PRIMA1: variants seen among roughly 807,000 people sequenced by gnomAD.
PRIMA1 encodes proline-rich membrane anchor 1.
Under a neutral mutation model 17.5 loss-of-function variants are expected in PRIMA1, and 7 were observed. The observed-to-expected ratio is 0.40, with a 90% CI of 0.23 to 0.75. The LOEUF (loss-of-function observed/expected upper bound fraction) is 0.75. Among genes scored for constraint, PRIMA1 ranks in the 30% least tolerant of loss-of-function variants. PRIMA1 has a pLI of 0.37. For synonymous variants in PRIMA1, 97 were observed against 77.9 expected, an observed-to-expected ratio of 1.25 and a Z score of -1.29; for missense variants, 200 against 201.8, an observed-to-expected ratio of 0.99 and a Z score of 0.05.
intron 2 of PRIMA1, among the ~76,000 whole-genome samples, chr14:93,787,203 T>C (rs1233286081): frequency 6.6e-6 from 1 of 152,222 alleles, no homozygotes; most frequent in Non-Finnish European, 1.5e-5. Flanking sequence ...CTCTGATACC[T>C]ATAAGAAACA....
At chr14:93,747,909 T>TG (rs1262790658) in intron 3 of PRIMA1, among the ~76,000 whole-genome samples, 9 of 43,286 alleles carry the variant, frequency 2.1e-4, no homozygotes, top group African/African-American at 5.6e-4. Flanking sequence ...TGTGTAAGAG[T>TG]GGGGGACTGT....
intron 4 of PRIMA1, among the ~76,000 whole-genome samples, chr14:93,732,873 A>G (rs1027454788): frequency 7.2e-5 from 11 of 152,128 alleles, no homozygotes; most frequent in African/African-American, 2.7e-4. Flanking sequence ...CTTGACTCCC[A>G]GTTCTGGGCT....
At chr14:93,731,782 C>A (rs12434848) in intron 4 of PRIMA1, among the ~76,000 whole-genome samples, 25,753 of 152,150 alleles carry the variant, frequency 0.17, 2,473 homozygotes, top group Admixed American at 0.29. Context: ...TGTGCTTAGT[C>A]CCCAGCACAC....
intron 3 of PRIMA1, among the ~76,000 whole-genome samples, chr14:93,762,041 C>T (rs545103322): frequency 6.6e-6 from 1 of 152,282 alleles, no homozygotes; most frequent in South Asian, 2.1e-4. Flanking sequence ...GAAACAACCT[C>T]CCTCGATGGT....
chr14:93,721,648 C>T, intron 4 of PRIMA1, 102 bp from the exon 5 acceptor site: 1 of 713,550 alleles, frequency 1.4e-6, no homozygotes, highest in Non-Finnish European at 2.5e-6. Context: ...AGCATCCCTG[C>T]TCCGTGAGAG....
Position 93,737,182 on chromosome 14 carries a change from C to T in PRIMA1, c.359+59G>A. ...AATGATACGGGATGTGTGTAGGAGC[C>T]CCAAGCCCAGCTGGGGTTCCCTTCG... On this transcript the variant is annotated intron_variant, in intron 4 of 4. Coordinates refer to ENST00000393140, the MANE Select transcript of PRIMA1 (RefSeq NM_178013.4). 29 of 1,592,746 alleles carry T rather than the reference C, an allele frequency of 1.8e-5. No individual in the cohort carries two copies. The South Asian group carries it at 3.0e-4, about 17-fold the overall frequency.
intron 4 of PRIMA1, among the ~76,000 whole-genome samples, chr14:93,732,406 T>A (rs2076120454): frequency 6.6e-6 from 1 of 152,156 alleles, no homozygotes; most frequent in Non-Finnish European, 1.5e-5. Flanking sequence ...TCTTGATGAC[T>A]CTCTGTGGTC....
At chr14:93,758,032 A>C (rs7140229) in intron 3 of PRIMA1, among the ~76,000 whole-genome samples, 60,939 of 151,900 alleles carry the variant, frequency 0.4, 12,574 homozygotes, top group Non-Finnish European at 0.44. Context: ...CACTCCAGAG[A>C]TACGGGGGGG....
intron 3 of PRIMA1, among the ~76,000 whole-genome samples, chr14:93,742,851 C>T (rs1253639271): frequency 1.3e-5 from 2 of 152,146 alleles, no homozygotes; most frequent in Non-Finnish European, 2.9e-5. Context: ...AGTGGAGAAA[C>T]AGGCCACACA....
intron 3 of PRIMA1, among the ~76,000 whole-genome samples, chr14:93,753,421 C>A (rs1018983563): frequency 2.6e-5 from 4 of 152,182 alleles, no homozygotes; most frequent in Admixed American, 6.5e-5. Context: ...GAACAAGGAA[C>A]CCATTCACTC....
intron 3 of PRIMA1, among the ~76,000 whole-genome samples, chr14:93,777,150 C>A (rs187024556): frequency 3.3e-5 from 5 of 152,130 alleles, no homozygotes; most frequent in Admixed American, 2.6e-4. Context: ...GGATGAAATG[C>A]GATCTGCTCA....
At chr14:93,776,704 T>C (rs1885231532) in intron 3 of PRIMA1, among the ~76,000 whole-genome samples, 1 of 152,232 alleles carries the variant, frequency 6.6e-6, no homozygotes, top group South Asian at 2.1e-4. Context: ...GAGCTGATTT[T>C]AGATGGTATA....
intron 3 of PRIMA1, among the ~76,000 whole-genome samples, chr14:93,750,312 CAA>C (rs1555415967): frequency 6.6e-6 from 1 of 152,104 alleles, no homozygotes; most frequent in Non-Finnish European, 1.5e-5. Context: ...GAGGCTGAGG[CAA>C]GAGGATGGCT....
chr14:93,728,187 G>C (rs1284439147), intron 4 of PRIMA1, among the ~76,000 whole-genome samples: 1 of 152,226 alleles, frequency 6.6e-6, no homozygotes, highest in Non-Finnish European at 1.5e-5. Flanking sequence ...CGGCTCATTT[G>C]AGTGCACACA....
At chr14:93,742,735 AGAG>A (rs2076192013) in intron 3 of PRIMA1, among the ~76,000 whole-genome samples, 1 of 152,212 alleles carries the variant, frequency 6.6e-6, no homozygotes, top group Non-Finnish European at 1.5e-5. Flanking sequence ...TGTGACTATC[AGAG>A]GAGATGATGG....
rs568391543 is a variant in PRIMA1 at position 93,723,096 on chromosome 14, G to A, written c.360-1550C>T. ...TCCCTCCCTCAAGTTGTTCAGGAGGGCTCTGGCCCCCAGCCTGAGTGTCTG... is the reference window on the plus strand; with the variant it reads ...TCCCTCCCTCAAGTTGTTCAGGAGGACTCTGGCCCCCAGCCTGAGTGTCTG... On this transcript the variant is annotated intron_variant, in intron 4 of 4. Coordinates refer to ENST00000393140, the MANE Select transcript of PRIMA1 (RefSeq NM_178013.4). Among the ~76,000 whole-genome samples, 4 of 152,156 alleles carry A rather than the reference G, an allele frequency of 2.6e-5. No individual in the cohort carries two copies. The East Asian group carries it at 7.7e-4, about 29-fold the overall frequency.
Position 93,787,613 on chromosome 14 carries a change from C to G in PRIMA1, c.93+13G>C, listed in dbSNP as rs1284216918. The G allele has an allele frequency of 3.2e-6, 5 of 1,540,034 alleles. No homozygotes were observed. The East Asian group carries it at 9.8e-5, about 30-fold the overall frequency. Reference sequence around the variant, plus strand: ...GAGGCCCTCCCAGCCAGTGCGCAGCCGGCGCGTCTCACCTGCACGAAGCCC... The same window carrying G: ...GAGGCCCTCCCAGCCAGTGCGCAGCGGGCGCGTCTCACCTGCACGAAGCCC... On this transcript the variant is annotated intron_variant, in intron 2 of 4. Coordinates refer to ENST00000393140, the MANE Select transcript of PRIMA1 (RefSeq NM_178013.4).
chr14:93,732,976 C>T (rs1304667239), intron 4 of PRIMA1, among the ~76,000 whole-genome samples: 1 of 152,126 alleles, frequency 6.6e-6, no homozygotes, highest in East Asian at 1.9e-4. Flanking sequence ...CGGGGGTACC[C>T]AGCACCCAAG....
chr14:93,752,103 C>T lies in PRIMA1; in HGVS notation c.230-14733G>A, dbSNP rs372090812. On this transcript the variant is annotated intron_variant, in intron 3 of 4. Coordinates refer to ENST00000393140, the MANE Select transcript of PRIMA1 (RefSeq NM_178013.4). ...TCTTTCCAGAAAGGCAGCCAGGAGC[C>T]GTTTTCTTACCCTACTGAAAGCAAA... is the stretch of plus-strand genomic sequence containing the variant. Among the ~76,000 whole-genome samples the T allele has an allele frequency of 7.9e-5, 12 of 152,268 alleles. No homozygotes were observed. The East Asian group carries it at 1.4e-3, about 17-fold the overall frequency.
Sources: gnomAD v4.1 joint callset for allele counts (sites outside exome capture counted in the v4.1 genomes callset) on GRCh38, gnomAD v4.1.1 for gene constraint, MANE v1.5 for transcripts, NCBI Gene and HGNC (gene_info 2026-07-23, HGNC 2026-07-21) for gene names.